Variants in LAMP1 observed in about 807,000 individuals in gnomAD.
LAMP1 encodes the protein lysosome-associated membrane glycoprotein 1.
A neutral mutation model predicts 37.5 loss-of-function variants in LAMP1; 7 were observed. The observed-to-expected ratio is 0.19, with a 90% CI of 0.11 to 0.35. The LOEUF is 0.35. Among genes scored for constraint, LAMP1 ranks in the 10% least tolerant of loss-of-function variants. The pLI is 1.00. For synonymous variants in LAMP1, 236 were observed against 229.1 expected, an observed-to-expected ratio of 1.03 and a Z score of -0.27; for missense variants, 537 against 552.8, an observed-to-expected ratio of 0.97 and a Z score of 0.29.
Position 113,321,230 on chromosome 13 carries a change from C to T in LAMP1, c.877-174C>T, listed in dbSNP as rs117275935. The T allele has an allele frequency of 0.018, 11,232 of 638,676 alleles. 138 individuals are homozygous for T. The highest frequency in any genetic ancestry group is 0.023 in the Non-Finnish European group (8,246 of 359,156). 39.6% of individuals were successfully genotyped at this position (638,676 alleles called of 1,614,324 possible). A position where few individuals can be genotyped will look rare whatever the true frequency, so the allele number is the denominator to read the frequency against. ...ATTTTCATTCCCCAGAGATACACAA[C>T]GCCTTTTATAGACAAGATCTTTTGC... On this transcript the variant is annotated intron_variant, in intron 6 of 8. Coordinates refer to ENST00000332556, the MANE Select transcript of LAMP1 (RefSeq NM_005561.4). The surrounding 1 kb of genome is among the most constrained non-coding windows in gnomAD (Gnocchi z 5.6).
At position 113,297,493 on chromosome 13, in the gene LAMP1, T is replaced by C; in HGVS notation, c.59T>C (p.Leu20Pro). The C allele has an allele frequency of 8.0e-7, 1 of 1,252,788 alleles. No homozygotes were observed. Among genetic ancestry groups the C allele is most frequent in the South Asian group, 3.3e-5 (1 of 30,378 alleles). 77.6% of individuals were successfully genotyped at this position (1,252,788 alleles called of 1,614,324 possible). Residue 20 changes from leucine to proline, a missense_variant and splice_region_variant, in exon 1 of 9, where the codon CTC becomes CCC. Coordinates refer to ENST00000332556, the MANE Select transcript of LAMP1 (RefSeq NM_005561.4). The surrounding 1 kb of genome is among the most constrained non-coding windows in gnomAD (Gnocchi z 4.4). ...CTGCTGCTACTGCTGTTGCTGCTGC[T>C]CGGTGAGGGGGTCGAGGCGGGGCCT... ...PLLLLLLLLLLGLMHCASAAM... is the reference protein window; with the variant it reads ...PLLLLLLLLLPGLMHCASAAM...
rs2042702778 is a variant in LAMP1 at position 113,321,885 on chromosome 13, C to T, written c.1114+158C>T. On this transcript the variant is annotated intron_variant, in intron 8 of 8. Coordinates refer to ENST00000332556, the MANE Select transcript of LAMP1 (RefSeq NM_005561.4). The surrounding 1 kb of genome is among the most constrained non-coding windows in gnomAD (Gnocchi z 5.6). Reference sequence around the variant, plus strand: ...CGGTCTGAGATTCTAGAGGTAACTCCCCCTGCTTTAGAGAGGCCCAGCGTG... The same window carrying T: ...CGGTCTGAGATTCTAGAGGTAACTCTCCCTGCTTTAGAGAGGCCCAGCGTG... 1.8e-5 allele frequency: 13 copies of T among 717,852 alleles called. No individual in the cohort carries two copies. Among genetic ancestry groups the T allele is most frequent in the Non-Finnish European group, 2.9e-5 (13 of 440,714 alleles). The allele number at this position is 717,852 out of a possible 1,614,324, so 44.5% of individuals were successfully genotyped here.
At position 113,320,727 on chromosome 13, in the gene LAMP1, G is replaced by A. The variant is rs1473241724; in HGVS notation, c.876+257G>A. 4.1e-6 allele frequency: 2 copies of A among 482,936 alleles called. No individual in the cohort carries two copies. The highest frequency in any genetic ancestry group is 7.4e-6 in the Non-Finnish European group (2 of 269,204). 29.9% of individuals were successfully genotyped at this position (482,936 alleles called of 1,614,324 possible). On this transcript the variant is annotated intron_variant, in intron 6 of 8. Coordinates refer to ENST00000332556, the MANE Select transcript of LAMP1 (RefSeq NM_005561.4). This position sits in a 1 kb window ranked among gnomAD's most constrained non-coding sequence, Gnocchi z 4.4. ...CTGCAGGGGAGGGCATGCAGGCCGT[G>A]CGGCCTTCTGGCTTCAGATGCTGCT...
intron 4 of LAMP1, among the ~76,000 whole-genome samples, chr13:113,316,965 GAC>G (rs2042668909): frequency 6.6e-6 from 1 of 152,132 alleles, no homozygotes; most frequent in Non-Finnish European, 1.5e-5. Flanking sequence ...TCAGAGGCCT[GAC>G]ACACCCAACA....
At position 113,323,141 on chromosome 13, in the gene LAMP1, G is replaced by A. The variant is rs988721529; in HGVS notation, c.*720G>A. 1.3e-5 allele frequency: 2 copies of A among 152,246 alleles called. No homozygotes were observed. Among genetic ancestry groups the A allele is most frequent in the African/African-American group, 2.4e-5 (1 of 41,456 alleles). The allele number at this position is 152,246 out of a possible 1,614,324, so 9.4% of individuals were successfully genotyped here. ...CTTTAAAGGCCAGGACGGGCCACAC[G>A]TGGCTGGCGGCCTCGTTCCAGTGGC... On this transcript the variant is annotated 3_prime_UTR_variant, in exon 9 of 9. Transcript: ENST00000332556.
intron 1 of LAMP1, among the ~76,000 whole-genome samples, chr13:113,304,154 TTTCC>T (rs1400187579): frequency 6.6e-6 from 1 of 152,248 alleles, no homozygotes. Context: ...GTTTGAAATA[TTTCC>T]TAATGAAGTG....
rs754459902 is a variant in LAMP1, at chr13:113,321,801, G to A, written c.1114+74G>A. ...AGACTCCGCCTGTGGACGTTTAGTC[G>A]CTTCCGTGTGGGCTGGGGCGACGCC... On this transcript the variant is annotated intron_variant, in intron 8 of 8. Transcript: ENST00000332556. The surrounding 1 kb of genome is among the most constrained non-coding windows in gnomAD (Gnocchi z 5.6). 9.6e-6 allele frequency: 14 copies of A among 1,460,608 alleles called. No homozygotes were observed. Among genetic ancestry groups the A allele is most frequent in the Admixed American group, 3.5e-5 (2 of 57,750 alleles). 90.5% of individuals were successfully genotyped at this position (1,460,608 alleles called of 1,614,324 possible).
At chr13:113,312,961 C>T (rs887046544) in intron 4 of LAMP1, among the ~76,000 whole-genome samples, 1 of 152,168 alleles carries the variant, frequency 6.6e-6, no homozygotes, top group African/African-American at 2.4e-5. Context: ...AGCTGGCTAC[C>T]TCTGGGCTGC....
At chr13:113,299,647 C>G (rs1180301324) in intron 1 of LAMP1, among the ~76,000 whole-genome samples, 2 of 150,652 alleles carry the variant, frequency 1.3e-5, no homozygotes, top group African/African-American at 4.9e-5. Context: ...CCGTTCACTG[C>G]AGCCTCCGCC....
Position 113,322,434 on chromosome 13 carries a change from A to G in LAMP1, c.*13A>G, listed in dbSNP as rs367958563. The G allele has an allele frequency of 1.3e-5, 21 of 1,599,410 alleles. No homozygotes were observed. The highest frequency in any genetic ancestry group is 1.8e-5 in the Non-Finnish European group (21 of 1,169,290). ...CCAGACTATCTAGCCTGGTGCACGCAGGCACAGCAGCTGCAGGGGCCTCTG... is the reference window on the plus strand; with the variant it reads ...CCAGACTATCTAGCCTGGTGCACGCGGGCACAGCAGCTGCAGGGGCCTCTG... On this transcript the variant is annotated 3_prime_UTR_variant, in exon 9 of 9. Coordinates refer to ENST00000332556, the MANE Select transcript of LAMP1 (RefSeq NM_005561.4).
chr13:113,300,044 G>C (rs1231608385), intron 1 of LAMP1, among the ~76,000 whole-genome samples: 1 of 152,152 alleles, frequency 6.6e-6, no homozygotes, highest in Non-Finnish European at 1.5e-5. Context: ...TGAATACTTA[G>C]AAAGCTCAAA....
intron 3 of LAMP1, 37 bp from the exon 4 acceptor site, chr13:113,310,669 AAGT>A: frequency 7.2e-7 from 1 of 1,388,368 alleles, no homozygotes; most frequent in Non-Finnish European, 9.8e-7. Context: ...TAAGTACTGC[AAGT>A]AGTTTGCAAT....
At position 113,323,556 on chromosome 13, in the gene LAMP1, T is replaced by C. The variant is rs1354891622; in HGVS notation, c.*1135T>C. ...GGGAAACGGGGGGTGAGGGTGGTCT[T>C]GGTGCCAGACGTAGGGAATGGTGTT... On this transcript the variant is annotated 3_prime_UTR_variant, in exon 9 of 9. Transcript: ENST00000332556. 1 of 151,604 alleles carries C rather than the reference T, an allele frequency of 6.6e-6. No individual in the cohort carries two copies. The highest frequency in any genetic ancestry group is 2.4e-5 in the African/African-American group (1 of 41,148). 9.4% of individuals were successfully genotyped at this position (151,604 alleles called of 1,614,324 possible).
At chr13:113,303,454 G>C (rs567336508) in intron 1 of LAMP1, among the ~76,000 whole-genome samples, 41 of 152,246 alleles carry the variant, frequency 2.7e-4, no homozygotes, top group Non-Finnish European at 4.4e-4. Context: ...GCTGCCAACG[G>C]CTGTCCTGTT....
chr13:113,307,964 A>T (rs2042609052), intron 2 of LAMP1, among the ~76,000 whole-genome samples: 4 of 150,362 alleles, frequency 2.7e-5, no homozygotes, highest in African/African-American at 9.9e-5. Flanking sequence ...CTCCAAAAAA[A>T]AAAAAAAAAA....
At chr13:113,315,422 C>G (rs906242748) in intron 4 of LAMP1, among the ~76,000 whole-genome samples, 2 of 112,604 alleles carry the variant, frequency 1.8e-5, no homozygotes, top group African/African-American at 3.3e-5. Context: ...GGGAGTCTTG[C>G]TCTGTTGCCC....
Position 113,309,788 on chromosome 13 carries a change from G to A in LAMP1, c.329G>A (p.Arg110His), listed in dbSNP as rs142333942. The A allele has an allele frequency of 3.7e-6, 6 of 1,614,168 alleles. No individual in the cohort carries two copies. Among genetic ancestry groups the A allele is most frequent in the Middle Eastern group, 1.7e-4 (1 of 6,012 alleles). ...LTLNFTRNAT[R>H]YSVQLMSFVY... ...CTCAATTTCACGAGAAATGCAACAC[G>A]TTACAGCGTCCAGCTCATGAGTTTT... The change falls in exon 3 of 9, where the codon CGT becomes CAT. Residue 110 changes from arginine (R) to histidine (H), a missense_variant. By Grantham distance (29) the Arg-to-His change is conservative. Transcript: ENST00000332556.
intron 4 of LAMP1, among the ~76,000 whole-genome samples, chr13:113,313,456 A>G (rs1222663507): frequency 6.6e-6 from 1 of 152,258 alleles, no homozygotes; most frequent in Admixed American, 6.5e-5. Context: ...ATGTGATTCC[A>G]AATGGAAAAA....
intron 4 of LAMP1, among the ~76,000 whole-genome samples, chr13:113,315,483 G>A (rs1013056594): frequency 4.4e-5 from 6 of 137,818 alleles, no homozygotes; most frequent in African/African-American, 1.6e-4. Flanking sequence ...TCTGCCTCCC[G>A]GGTTCAAGCG....
Sources: gnomAD v4.1 joint callset for allele counts (sites outside exome capture counted in the v4.1 genomes callset) on GRCh38, gnomAD v4.1.1 for gene constraint, Gnocchi (gnomAD v3.1) non-coding constraint, MANE v1.5 for transcripts, NCBI Gene and HGNC (gene_info 2026-07-23, HGNC 2026-07-21) for gene names.